NFAT5: variants seen among roughly 807,000 people sequenced by gnomAD.
NFAT5 encodes the protein nuclear factor of activated T cells 5.
NFAT5 carries 31 observed loss-of-function variants against 166.5 expected under a neutral mutation model. That is an observed-to-expected ratio of 0.19 (90% CI 0.14 to 0.25). The LOEUF (loss-of-function observed/expected upper bound fraction) is 0.25, where lower values mean the gene tolerates loss of function less well. NFAT5 is among the 10% of genes least tolerant of loss of function. NFAT5 has a pLI of 1.00. For missense variants in NFAT5, 1,449 were observed against 1,821.8 expected (o/e 0.80, Z 3.72); for synonymous variants, 612 against 639.7 (o/e 0.96, Z 0.65).
chr16:69,623,334 C>CT (rs369209793), intron 2 of NFAT5, among the ~76,000 whole-genome samples: 14,064 of 139,566 alleles, frequency 0.1, 781 homozygotes, highest in African/African-American at 0.15. Flanking sequence ...TTGCTAAAGG[C>CT]TTTTTTTTTT....
intron 10 of NFAT5, among the ~76,000 whole-genome samples, chr16:69,683,092 TC>T (rs2037137968): frequency 6.6e-6 from 1 of 152,024 alleles, no homozygotes; most frequent in Non-Finnish European, 1.5e-5. Flanking sequence ...ATGCCTGTAA[TC>T]CCAGCTACTG....
Position 69,695,292 on chromosome 16 carries a change from ACAC to A in NFAT5, c.4574_4576del (p.Thr1525del). On this transcript the variant is annotated inframe_deletion, in exon 14 of 15. Coordinates refer to ENST00000349945, the MANE Select transcript of NFAT5 (RefSeq NM_138713.4). The stretch of plus-strand genomic sequence containing the variant: ...AATTCTCCACTGGCATCCTCTATAA[ACAC>A]CAACCAGAACATCGAAAAGATTGAT... 1 of 1,614,146 alleles carries A rather than the reference ACAC, an allele frequency of 6.2e-7. No homozygotes were observed. Among genetic ancestry groups the A allele is most frequent in the Non-Finnish European group, 8.5e-7 (1 of 1,180,024 alleles).
intron 7 of NFAT5, among the ~76,000 whole-genome samples, chr16:69,664,631 A>G (rs1044669583): frequency 3.3e-5 from 5 of 152,144 alleles, no homozygotes; most frequent in Admixed American, 1.3e-4. Flanking sequence ...CTAAAAGCAC[A>G]CAGTTTTTAC....
At chr16:69,619,149 A>G (rs1192565763) in intron 2 of NFAT5, among the ~76,000 whole-genome samples, 1 of 152,118 alleles carries the variant, frequency 6.6e-6, no homozygotes, top group Non-Finnish European at 1.5e-5. Flanking sequence ...TTTGATTTTT[A>G]CTCTCTGACC....
In NFAT5 at chr16:69,566,397, G is replaced by A; in HGVS notation, c.73+23G>A. On this transcript the variant is annotated intron_variant, in intron 1 of 14. Transcript: ENST00000349945. This position sits in a 1 kb window ranked among gnomAD's most constrained non-coding sequence, Gnocchi z 5.7. Reference sequence around the variant, plus strand: ...GAGGTGAGTCAGGCTGTGGGGGGTGGGGCGTGGGGGCGGGGAGACAGGGAG... The same window carrying A: ...GAGGTGAGTCAGGCTGTGGGGGGTGAGGCGTGGGGGCGGGGAGACAGGGAG... 6.6e-7 allele frequency: 1 copy of A among 1,522,312 alleles called. No individual in the cohort carries two copies. Among genetic ancestry groups the A allele is most frequent in the Non-Finnish European group, 9.0e-7 (1 of 1,114,892 alleles). 94.3% of individuals were successfully genotyped at this position (1,522,312 alleles called of 1,614,324 possible). A position where few individuals can be genotyped will look rare whatever the true frequency, so the allele number is the denominator to read the frequency against.
rs2037916761 is a variant in NFAT5 at position 69,702,561 on chromosome 16, A to G, written c.*6210A>G. 1 of 152,218 alleles carries G rather than the reference A, an allele frequency of 6.6e-6. No homozygotes were observed. Among genetic ancestry groups the G allele is most frequent in the South Asian group, 2.1e-4 (1 of 4,824 alleles). 9.4% of individuals were successfully genotyped at this position (152,218 alleles called of 1,614,324 possible). ...GAGTATGGTTCTCAGCCCACCAGCT[A>G]GTATCAGTATCACCTGGGAACTAGT... On this transcript the variant is annotated 3_prime_UTR_variant, in exon 15 of 15. Coordinates refer to ENST00000349945, the MANE Select transcript of NFAT5 (RefSeq NM_138713.4).
Position 69,592,446 on chromosome 16 carries a change from AATT to A in NFAT5, c.127+23904_127+23906del, listed in dbSNP as rs1353248444. Among the ~76,000 whole-genome samples, 8 of 152,260 alleles carry A rather than the reference AATT, an allele frequency of 5.3e-5. No homozygotes were observed. The East Asian group carries it at 1.5e-3, about 29-fold the overall frequency. ...TGATTTTTTTTTGTTGTTGTTCAAA[AATT>A]ATTATAGTATCTAAAATCTTGTGAA... On this transcript the variant is annotated intron_variant, in intron 2 of 14. Coordinates refer to ENST00000349945, the MANE Select transcript of NFAT5 (RefSeq NM_138713.4).
intron 3 of NFAT5, among the ~76,000 whole-genome samples, chr16:69,645,602 A>G (rs1233723753): frequency 3.9e-5 from 6 of 152,190 alleles, no homozygotes; most frequent in Non-Finnish European, 7.4e-5. Context: ...AAACATTGAC[A>G]TTCTTACATT....
chr16:69,593,800 A>G (rs1043960854), intron 2 of NFAT5, among the ~76,000 whole-genome samples: 4 of 152,214 alleles, frequency 2.6e-5, no homozygotes, highest in African/African-American at 9.6e-5. Context: ...GTATAAGAAT[A>G]TAAGCTTATC....
At position 69,691,011 on chromosome 16, in the gene NFAT5, C is replaced by G; in HGVS notation, c.1846C>G (p.Pro616Ala). The change falls in exon 12 of 15, where the codon CCA (proline) becomes GCA (alanine). Residue 616 changes from proline (P) to alanine (A), a missense_variant. By Grantham distance (27) the Pro-to-Ala change is conservative (BLOSUM62 -1). Coordinates refer to ENST00000349945, the MANE Select transcript of NFAT5 (RefSeq NM_138713.4). ...TAATGCCCTGATGACTCCACTCATA[C>G]CAAGCAGTATGATTAAGAGTGAAGA... ...IPNALMTPLI[P>A]SSMIKSEDVT... The G allele has an allele frequency of 6.2e-7, 1 of 1,608,874 alleles. No homozygotes were observed. The highest frequency in any genetic ancestry group is 8.5e-7 in the Non-Finnish European group (1 of 1,177,592).
At chr16:69,666,808 C>T (rs1478852175) in intron 7 of NFAT5, among the ~76,000 whole-genome samples, 5 of 151,788 alleles carry the variant, frequency 3.3e-5, no homozygotes, top group African/African-American at 1.2e-4. Flanking sequence ...TTGACCCAGC[C>T]ATCCCATTAC....
rs9926822 is a variant in NFAT5, at chr16:69,589,155, C to T, written c.127+20607C>T. 2.3e-3 allele frequency among the ~76,000 whole-genome samples: 348 copies of T among 152,038 alleles called. 3 individuals carry two copies. Among genetic ancestry groups the T allele is most frequent in the African/African-American group, 7.4e-3 (305 of 41,484 alleles). On this transcript the variant is annotated intron_variant, in intron 2 of 14. Transcript: ENST00000349945. Reference sequence around the variant, plus strand: ...GATTACAGGCATGTGCCACCACGCCCGGCTAATTTTGTATTTTTAGTAGAG... The same window carrying T: ...GATTACAGGCATGTGCCACCACGCCTGGCTAATTTTGTATTTTTAGTAGAG...
At chr16:69,664,983 C>T (rs1310332999) in intron 7 of NFAT5, among the ~76,000 whole-genome samples, 4 of 152,104 alleles carry the variant, frequency 2.6e-5, no homozygotes, top group Non-Finnish European at 5.9e-5. Context: ...GCCAAGACTG[C>T]GCCACTGCAC....
rs183333199 is a variant in NFAT5 at position 69,606,256 on chromosome 16, A to G, written c.128-20147A>G. On this transcript the variant is annotated intron_variant, in intron 2 of 14. Transcript: ENST00000349945. ...TCCCCTTCCATATCTTGCAAACCCT[A>G]GTGTAGAGACTGAAGAACTCAAGTG... Among the ~76,000 whole-genome samples the G allele has an allele frequency of 1.6e-4, 24 of 152,220 alleles. No homozygotes were observed. The East Asian group carries it at 3.9e-3, about 24-fold the overall frequency.
rs1390067452 is a variant in NFAT5, at chr16:69,702,452, G to T, written c.*6101G>T. The T allele has an allele frequency of 6.6e-6, 1 of 152,162 alleles. No homozygotes were observed. Among genetic ancestry groups the T allele is most frequent in the Non-Finnish European group, 1.5e-5 (1 of 68,028 alleles). The allele number at this position is 152,162 out of a possible 1,614,324, so 9.4% of individuals were successfully genotyped here. A position where few individuals can be genotyped will look rare whatever the true frequency, so the allele number is the denominator to read the frequency against. Reference sequence around the variant, plus strand: ...GTTTGGGAATTCATTAAAACCAGTTGTCTATATATTTTGTGCCATGTATAT... The same window carrying T: ...GTTTGGGAATTCATTAAAACCAGTTTTCTATATATTTTGTGCCATGTATAT... On this transcript the variant is annotated 3_prime_UTR_variant, in exon 15 of 15. Transcript: ENST00000349945.
intron 10 of NFAT5, among the ~76,000 whole-genome samples, chr16:69,677,923 C>G (rs999348148): frequency 6.6e-6 from 1 of 151,768 alleles, no homozygotes. Context: ...GAGGCCGAGG[C>G]GGGTGGATCA....
chr16:69,693,532 T>C lies in NFAT5; in HGVS notation c.3707T>C (p.Leu1236Pro). Residue 1236 changes from leucine (L) to proline (P), a missense_variant, in exon 13 of 15, where the codon CTT becomes CCT. Coordinates refer to ENST00000349945, the MANE Select transcript of NFAT5 (RefSeq NM_138713.4). The part of the protein sequence containing the change: ...LFQPQVALGS[L>P]PPNPMPQSQQ... ...CAGCCTCAGGTGGCCCTGGGCTCCC[T>C]TCCACCTAATCCAATGCCTCAAAGC... 3.1e-6 allele frequency: 5 copies of C among 1,614,160 alleles called. No individual in the cohort carries two copies. The highest frequency in any genetic ancestry group is 4.2e-6 in the Non-Finnish European group (5 of 1,180,026).
intron 7 of NFAT5, among the ~76,000 whole-genome samples, chr16:69,660,798 GTCTCTC>G (rs10575490): frequency 2.7e-5 from 4 of 148,804 alleles, no homozygotes; most frequent in Admixed American, 6.7e-5. Flanking sequence ...TCCTTTTCAC[GTCTCTC>G]TCTCTCTTTT....
chr16:69,658,474 ACT>A (rs1351709142), intron 6 of NFAT5, among the ~76,000 whole-genome samples: 1 of 150,912 alleles, frequency 6.6e-6, no homozygotes, highest in Non-Finnish European at 1.5e-5. Context: ...CAAGAGCGAA[ACT>A]CTGTCTCAAA....
Sources: allele counts gnomAD v4.1 joint callset (sites outside exome capture counted in the v4.1 genomes callset), GRCh38; gene constraint gnomAD v4.1.1; non-coding constraint Gnocchi (gnomAD v3.1); transcripts MANE v1.5; gene names NCBI Gene and HGNC (gene_info 2026-07-23, HGNC 2026-07-21).